HIGD1C: variants seen among roughly 807,000 people sequenced by gnomAD.
HIGD1C encodes the protein HIG1 hypoxia inducible domain family member 1C, also known as HIG1 domain family member 1C.
A neutral mutation model predicts 13.1 loss-of-function variants in HIGD1C; 11 were observed. That is an observed-to-expected ratio of 0.84 (90% CI 0.53 to 1.39). The LOEUF (loss-of-function observed/expected upper bound fraction) is 1.39, where lower values mean the gene tolerates loss of function less well. Ranked by LOEUF, HIGD1C falls within the 40% of genes most tolerant of loss-of-function variation. The pLI is 0.00. For synonymous variants in HIGD1C, 36 were observed against 37.7 expected (o/e 0.95, Z 0.17); for missense variants, 110 against 112.0 (o/e 0.98, Z 0.08).
At chr12:50,960,778 G>A (rs2139806409) in intron 1 of HIGD1C, among the ~76,000 whole-genome samples, 190 bp from the exon 4 acceptor site, 1 of 152,100 alleles carries the variant, frequency 6.6e-6, no homozygotes, top group Middle Eastern at 3.4e-3. Flanking sequence ...GAACTCCTAG[G>A]CTCAAGGGAT....
At chr12:50,931,378 C>T in the HIGD1C span, 1 of 151,934 alleles carries the variant, frequency 6.6e-6, no homozygotes, top group Non-Finnish European at 1.5e-5. Flanking sequence ...CTAAACAGCA[C>T]AGATTTTTTC....
chr12:50,943,874 A>G, the HIGD1C span, among the ~76,000 whole-genome samples: 1 of 152,134 alleles, frequency 6.6e-6, no homozygotes, highest in African/African-American at 2.4e-5. Flanking sequence ...TTATATCCTT[A>G]TATCATATCT....
chr12:50,968,572 T>C (rs1472247358), intron 2 of HIGD1C, among the ~76,000 whole-genome samples: 2 of 151,984 alleles, frequency 1.3e-5, no homozygotes, highest in Non-Finnish European at 2.9e-5. Flanking sequence ...TGTTTTGAGA[T>C]GGAGTCTCAC....
chr12:50,936,854 A>C, the HIGD1C span, among the ~76,000 whole-genome samples: 2 of 152,214 alleles, frequency 1.3e-5, no homozygotes, highest in Admixed American at 6.5e-5. Flanking sequence ...TCCTTTCCTA[A>C]ATAAATAACA....
chr12:50,970,411 A>C lies in HIGD1C; in HGVS notation c.230-31A>C, dbSNP rs1237186136. 3 of 1,072,540 alleles carry C rather than the reference A, an allele frequency of 2.8e-6. No individual in the cohort carries two copies. In the Admixed American group the frequency reaches 6.2e-5, roughly 22 times the overall value. The allele number at this position is 1,072,540 out of a possible 1,614,324, so 66.4% of individuals were successfully genotyped here. A position where few individuals can be genotyped will look rare whatever the true frequency, so the allele number is the denominator to read the frequency against. On this transcript the variant is annotated intron_variant, in intron 2 of 2. Transcript: ENST00000398455. ...AATTCAGTGTTTGTTTCCCATGGAT[A>C]CTCAATTGATATACATCCTTCTTTT...
intron 1 of HIGD1C, among the ~76,000 whole-genome samples, chr12:50,959,687 A>T (rs1481766127): frequency 6.6e-6 from 1 of 151,852 alleles, no homozygotes; most frequent in East Asian, 1.9e-4. Flanking sequence ...TTGCTCTGTC[A>T]CCCAAGCTGG....
At chr12:50,961,133 G>C (rs1166009566) in intron 2 of HIGD1C, 31 bp downstream of exon 4, 1 of 1,609,736 alleles carries the variant, frequency 6.2e-7, no homozygotes, top group East Asian at 2.2e-5. Context: ...CTTATGTTCA[G>C]CTGTCTTTGA....
At chr12:50,957,937 G>GGTGTGTGTGTGT (rs71089717) in intron 1 of HIGD1C, among the ~76,000 whole-genome samples, 2,769 of 132,384 alleles carry the variant, frequency 0.021, 63 homozygotes, top group South Asian at 0.029. Flanking sequence ...ATGAATTGGA[G>GGTGTGTGTGTGT]GTGTGTGTGT....
the HIGD1C span, among the ~76,000 whole-genome samples, chr12:50,934,699 A>C: frequency 6.6e-6 from 1 of 152,220 alleles, no homozygotes; most frequent in Non-Finnish European, 1.5e-5. Flanking sequence ...AAAAAAGAAT[A>C]TTTCAGTCAA....
the HIGD1C span, among the ~76,000 whole-genome samples, chr12:50,938,185 T>C: frequency 6.6e-6 from 1 of 151,988 alleles, no homozygotes; most frequent in Admixed American, 6.5e-5. Flanking sequence ...CAAGCTTCCC[T>C]CTGCACCCCT....
At chr12:50,932,258 T>C in the HIGD1C span, 1 of 152,188 alleles carries the variant, frequency 6.6e-6, no homozygotes, top group Non-Finnish European at 1.5e-5. Flanking sequence ...TAAATATTTT[T>C]TGGATTATTC....
Position 50,957,937 on chromosome 12 carries a change from GGTGTGTGTGTGT to G in HIGD1C, c.95-2994_95-2983del, listed in dbSNP as rs71089717. Among the ~76,000 whole-genome samples the G allele has an allele frequency of 1.9e-3, 251 of 132,500 alleles. 1 individual carries two copies. Among genetic ancestry groups the G allele is most frequent in the Middle Eastern group, 3.6e-3 (1 of 276 alleles). The allele number at this position is 132,500 out of a possible 152,430, so 86.9% of individuals were successfully genotyped here. ...GAGACTACTGTATTCATGAATTGGA[GGTGTGTGTGTGT>G]GTGTGTGTGTGTGTGTGTGTGTGTG... On this transcript the variant is annotated intron_variant, in intron 1 of 2. Coordinates refer to ENST00000398455, the Ensembl canonical transcript of HIGD1C.
intron 2 of HIGD1C, among the ~76,000 whole-genome samples, chr12:50,967,113 CA>C (rs58572587): frequency 0.063 from 8,255 of 131,750 alleles, 723 homozygotes; most frequent in African/African-American, 0.2. Context: ...GACTCAGTCT[CA>C]AAAAAAAAAA....
At chr12:50,957,065 A>G (rs974003906) in intron 1 of HIGD1C, among the ~76,000 whole-genome samples, 2 of 152,002 alleles carry the variant, frequency 1.3e-5, no homozygotes, top group Non-Finnish European at 2.9e-5. Flanking sequence ...TATAAAATAT[A>G]CATGTAAATG....
At chr12:50,957,536 G>T (rs1013381144) in intron 1 of HIGD1C, among the ~76,000 whole-genome samples, 1 of 151,360 alleles carries the variant, frequency 6.6e-6, no homozygotes, top group African/African-American at 2.4e-5. Flanking sequence ...CTTACATTTA[G>T]ATTAAAATTT....
At chr12:50,934,183 G>A in the HIGD1C span, among the ~76,000 whole-genome samples, 1 of 152,202 alleles carries the variant, frequency 6.6e-6, no homozygotes, top group African/African-American at 2.4e-5. Context: ...ATCAGACCCT[G>A]TCTGTCTTCC....
chr12:50,965,287 A>ATT (rs77800053), intron 2 of HIGD1C, among the ~76,000 whole-genome samples: 123 of 134,560 alleles, frequency 9.1e-4, no homozygotes, highest in Middle Eastern at 4.0e-3. Flanking sequence ...CTAATTTTTA[A>ATT]TTTTTTTTTT....
At chr12:50,961,570 T>C (rs562350721) in intron 2 of HIGD1C, among the ~76,000 whole-genome samples, 2 of 152,330 alleles carry the variant, frequency 1.3e-5, no homozygotes, top group African/African-American at 4.8e-5. Context: ...GTTTCAGCAA[T>C]AGGCAAATCT....
intron 1 of HIGD1C, 127 bp from the exon 4 acceptor site, chr12:50,960,841 T>G: frequency 1.4e-6 from 1 of 736,998 alleles, no homozygotes; most frequent in Non-Finnish European, 2.1e-6. Flanking sequence ...TATCACCATG[T>G]GTGGCTAATT....
Sources: gnomAD v4.1 joint callset for allele counts (sites outside exome capture counted in the v4.1 genomes callset) on GRCh38, gnomAD v4.1.1 for gene constraint, MANE v1.5 for transcripts, NCBI Gene and HGNC (gene_info 2026-07-23, HGNC 2026-07-21) for gene names.